The following UNC13B variants were observed in gnomAD, a reference collection of about 807,000 sequenced individuals.
UNC13B encodes the protein protein unc-13 homolog B.
Under a neutral mutation model 211.0 loss-of-function variants are expected in UNC13B, and 144 were observed. The observed-to-expected ratio is 0.68, with a 90% confidence interval of 0.60 to 0.78. The LOEUF is 0.78. Among genes scored for constraint, UNC13B ranks in the 30% least tolerant of loss-of-function variants. The pLI, the probability that UNC13B is intolerant of heterozygous loss-of-function variation, is 0.00. For synonymous variants in UNC13B, 709 were observed against 725.8 expected, an observed-to-expected ratio of 0.98 and a Z score of 0.37; for missense variants, 1,777 against 2,002.0, an observed-to-expected ratio of 0.89 and a Z score of 2.14.
chr9:35,258,930 T>TC (rs1282473719), intron 6 of UNC13B, 63 bp from the exon 7 acceptor site: 1 of 1,548,918 alleles, frequency 6.5e-7, no homozygotes, highest in Non-Finnish European at 8.7e-7. Flanking sequence ...GTGATTTTTT[T>TC]CCCTGTCTTT....
intron 11 of UNC13B, among the ~76,000 whole-genome samples, chr9:35,332,224 A>G (rs1587638888): frequency 6.6e-6 from 1 of 152,236 alleles, no homozygotes; most frequent in African/African-American, 2.4e-5. Context: ...TGCCAGGGTT[A>G]CAGGCTTGAG....
At chr9:35,217,917 A>C (rs1431069590) in intron 1 of UNC13B, among the ~76,000 whole-genome samples, 1 of 151,892 alleles carries the variant, frequency 6.6e-6, no homozygotes, top group Non-Finnish European at 1.5e-5. Flanking sequence ...GGTGGCAGGT[A>C]CCTAGTCTTA....
At chr9:35,320,084 G>A (rs1298043705) in intron 11 of UNC13B, among the ~76,000 whole-genome samples, 1 of 152,132 alleles carries the variant, frequency 6.6e-6, no homozygotes, top group African/African-American at 2.4e-5. Context: ...GTTTTTTATG[G>A]CTGCATAGTA....
At chr9:35,247,945 G>C (rs1358660753) in intron 6 of UNC13B, among the ~76,000 whole-genome samples, 13 of 152,240 alleles carry the variant, frequency 8.5e-5, no homozygotes, top group South Asian at 2.1e-4. Flanking sequence ...GCTCCTCCTT[G>C]TACCTCTGGT....
At chr9:35,220,576 C>A (rs553141719) in intron 1 of UNC13B, among the ~76,000 whole-genome samples, 1 of 152,180 alleles carries the variant, frequency 6.6e-6, no homozygotes, top group East Asian at 1.9e-4. Context: ...ACACAATGAC[C>A]TCCAGTTCCA....
chr9:35,384,070 A>T (rs1203111364), intron 21 of UNC13B, among the ~76,000 whole-genome samples, 176 bp from the exon 22 acceptor site: 1 of 152,056 alleles, frequency 6.6e-6, no homozygotes, highest in African/African-American at 2.4e-5. Flanking sequence ...GGGACTTTCT[A>T]TCTCATTTTT....
At chr9:35,221,724 C>G (rs575766193) in intron 1 of UNC13B, among the ~76,000 whole-genome samples, 25 of 152,234 alleles carry the variant, frequency 1.6e-4, no homozygotes, top group Non-Finnish European at 2.9e-4. Context: ...AGAAATCTAA[C>G]CCAGGGTCAC....
chr9:35,234,609 G>C (rs1825391531), intron 3 of UNC13B, among the ~76,000 whole-genome samples: 1 of 152,246 alleles, frequency 6.6e-6, no homozygotes, highest in Non-Finnish European at 1.5e-5. Context: ...GCTCTGAACA[G>C]CTCTCCAGAT....
intron 8 of UNC13B, among the ~76,000 whole-genome samples, chr9:35,296,563 T>G (rs554035565): frequency 6.6e-6 from 1 of 152,298 alleles, no homozygotes; most frequent in East Asian, 1.9e-4. Context: ...TTTATGAGTA[T>G]AAAAGCAAGT....
chr9:35,257,345 A>T (rs918597049), intron 6 of UNC13B, among the ~76,000 whole-genome samples: 3 of 123,774 alleles, frequency 2.4e-5, no homozygotes, highest in African/African-American at 5.8e-5. Flanking sequence ...ATAAATATTT[A>T]TAAAAATATT....
chr9:35,371,124 C>T (rs1416670135), intron 13 of UNC13B, among the ~76,000 whole-genome samples: 1 of 152,062 alleles, frequency 6.6e-6, no homozygotes. Flanking sequence ...AACCCTTTTC[C>T]CTTATTACCA....
intron 7 of UNC13B, among the ~76,000 whole-genome samples, chr9:35,292,918 A>G (rs1393542842): frequency 6.6e-6 from 1 of 152,280 alleles, no homozygotes; most frequent in Non-Finnish European, 1.5e-5. Context: ...GGGATAGATT[A>G]TGGAGGCAGT....
intron 7 of UNC13B, among the ~76,000 whole-genome samples, chr9:35,275,773 A>T (rs536822071): frequency 6.6e-6 from 1 of 152,032 alleles, no homozygotes; most frequent in African/African-American, 2.4e-5. Context: ...TTGTAGTTTT[A>T]ATAGAGACAG....
At chr9:35,339,902 T>C (rs1831882431) in intron 11 of UNC13B, among the ~76,000 whole-genome samples, 1 of 152,210 alleles carries the variant, frequency 6.6e-6, no homozygotes, top group African/African-American at 2.4e-5. Context: ...GGGTCCTACC[T>C]CTGGGGAATC....
chr9:35,388,535 G>A (rs909538513), intron 24 of UNC13B, among the ~76,000 whole-genome samples: 3 of 152,210 alleles, frequency 2.0e-5, no homozygotes, highest in African/African-American at 7.2e-5. Flanking sequence ...GCATGACTTT[G>A]GACAAGTCAT....
Position 35,400,498 on chromosome 9 carries a change from C to T in UNC13B, c.12484+55C>T, listed in dbSNP as rs999830114. Reference sequence around the variant, plus strand: ...CTCTCCTCTCTGATACACATCTTCCCCTAGGGAGTCTGTATCTTCATGCCC... The same window carrying T: ...CTCTCCTCTCTGATACACATCTTCCTCTAGGGAGTCTGTATCTTCATGCCC... On this transcript the variant is annotated intron_variant, in intron 37 of 39. Coordinates refer to ENST00000635942, the MANE Select transcript of UNC13B (RefSeq NM_001371189.2). The T allele has an allele frequency of 1.9e-6, 3 of 1,559,454 alleles. No individual in the cohort carries two copies. In the African/African-American group the frequency reaches 4.1e-5, roughly 21 times the overall value.
rs183630829 is a variant in UNC13B at position 35,381,250 on chromosome 9, G to T, written c.10491+35G>T. Reference sequence around the variant, plus strand: ...CCCTTGGTAGGTGGGGGATCAGAAAGCAGTGCTGGGAGAGGCCTTTGGCCA... The same window carrying T: ...CCCTTGGTAGGTGGGGGATCAGAAATCAGTGCTGGGAGAGGCCTTTGGCCA... On this transcript the variant is annotated intron_variant, in intron 19 of 39. Transcript: ENST00000635942. 1.3e-5 allele frequency: 21 copies of T among 1,581,116 alleles called. No homozygotes were observed. The African/African-American group carries it at 2.7e-4, about 20-fold the overall frequency.
At chr9:35,254,627 T>G (rs1445091106) in intron 6 of UNC13B, among the ~76,000 whole-genome samples, 4 of 151,986 alleles carry the variant, frequency 2.6e-5, no homozygotes, top group African/African-American at 9.7e-5. Flanking sequence ...TTTTCCCTAA[T>G]TGTTGCAAAT....
At chr9:35,187,618 A>G (rs1822431567) in intron 1 of UNC13B, among the ~76,000 whole-genome samples, 1 of 152,216 alleles carries the variant, frequency 6.6e-6, no homozygotes, top group African/African-American at 2.4e-5. Context: ...AGAAAGAATG[A>G]TTTCTACATA....
Sources: allele counts gnomAD v4.1 joint callset (sites outside exome capture counted in the v4.1 genomes callset), GRCh38; gene constraint gnomAD v4.1.1; transcripts MANE v1.5; gene names NCBI Gene and HGNC (gene_info 2026-07-23, HGNC 2026-07-21).